MACROD2: variants seen among roughly 807,000 people sequenced by gnomAD.
MACROD2 encodes ADP-ribose glycohydrolase MACROD2.
MACROD2 carries 36 observed loss-of-function variants against 70.4 expected under a neutral mutation model. The ratio of observed to expected loss-of-function variants is 0.51; its 90% CI spans 0.39 to 0.68. MACROD2 has a LOEUF of 0.68. MACROD2 is among the 30% of genes least tolerant of loss of function. The pLI is 0.00. For synonymous variants in MACROD2, 172 were observed against 178.8 expected (o/e 0.96, Z 0.30); for missense variants, 496 against 538.4 (o/e 0.92, Z 0.78).
chr20:14,897,342 T>TA (rs1600787339), intron 5 of MACROD2, among the ~76,000 whole-genome samples: 2 of 151,996 alleles, frequency 1.3e-5, no homozygotes, highest in Admixed American at 6.6e-5. Flanking sequence ...ATCACTTATT[T>TA]AAAAAAAATT....
intron 9 of MACROD2, among the ~76,000 whole-genome samples, chr20:15,872,423 A>G (rs572371193): frequency 2.6e-5 from 4 of 152,196 alleles, no homozygotes; most frequent in African/African-American, 7.2e-5. Context: ...AAAAGCATCT[A>G]TGGTAAAGGG....
intron 3 of MACROD2, among the ~76,000 whole-genome samples, chr20:14,291,029 A>T (rs372652470): frequency 6.6e-6 from 1 of 152,230 alleles, no homozygotes; most frequent in African/African-American, 2.4e-5. Flanking sequence ...GGTTTTGTAC[A>T]TGAGTTGCTA....
chr20:14,994,198 T>G (rs1394089402), intron 5 of MACROD2, among the ~76,000 whole-genome samples: 1 of 152,116 alleles, frequency 6.6e-6, no homozygotes. Context: ...AGCACTTAGT[T>G]ATATAGCACT....
chr20:15,244,429 T>C (rs569829500), intron 6 of MACROD2, among the ~76,000 whole-genome samples: 1 of 152,324 alleles, frequency 6.6e-6, no homozygotes, highest in East Asian at 1.9e-4. Flanking sequence ...ATGGTTTTTG[T>C]ACCTGGACAG....
At chr20:15,451,294 A>C (rs1334109429) in intron 7 of MACROD2, among the ~76,000 whole-genome samples, 1 of 152,004 alleles carries the variant, frequency 6.6e-6, no homozygotes, top group Non-Finnish European at 1.5e-5. Flanking sequence ...GTTAAGACTT[A>C]CATCAGAAGT....
At chr20:14,631,510 C>T (rs1219217018) in intron 4 of MACROD2, among the ~76,000 whole-genome samples, 1 of 152,178 alleles carries the variant, frequency 6.6e-6, no homozygotes, top group Non-Finnish European at 1.5e-5. Flanking sequence ...GTGGCTTACG[C>T]CTGTAATCCC....
At chr20:14,614,189 T>A (rs540857691) in intron 4 of MACROD2, among the ~76,000 whole-genome samples, 506 of 152,288 alleles carry the variant, frequency 3.3e-3, no homozygotes, top group Non-Finnish European at 5.2e-3. Flanking sequence ...AGCAAATTAC[T>A]TCAACCTTCT....
At chr20:14,544,010 T>C (rs1450213583) in intron 4 of MACROD2, among the ~76,000 whole-genome samples, 3 of 152,114 alleles carry the variant, frequency 2.0e-5, no homozygotes, top group Non-Finnish European at 4.4e-5. Context: ...TTCCTGGGAA[T>C]CTGGACACAA....
intron 3 of MACROD2, among the ~76,000 whole-genome samples, chr20:14,111,409 A>G (rs1419993863): frequency 2.0e-5 from 3 of 151,984 alleles, no homozygotes; most frequent in African/African-American, 7.2e-5. Context: ...TGAAACAACA[A>G]AGTGAAGAGA....
Position 15,830,920 on chromosome 20 carries a change from G to GTGA in MACROD2, c.646-31823_646-31821dup, listed in dbSNP as rs1329168346. On this transcript the variant is annotated intron_variant, in intron 8 of 17. Transcript: ENST00000684519. ...TGTTTTTTCTTAGAATATTTGCAGT[G>GTGA]TGATAGTCATATAGCATTCTTTTCT... Among the ~76,000 whole-genome samples, 4 of 152,182 alleles carry GTGA rather than the reference G, an allele frequency of 2.6e-5. No individual in the cohort carries two copies. The East Asian group carries it at 7.7e-4, about 29-fold the overall frequency.
At chr20:15,084,769 T>A (rs887127793) in intron 5 of MACROD2, among the ~76,000 whole-genome samples, 2 of 152,238 alleles carry the variant, frequency 1.3e-5, no homozygotes, top group African/African-American at 4.8e-5. Flanking sequence ...GTAATTAAAT[T>A]TGGACTATTC....
chr20:14,671,692 C>T (rs1899422842), intron 4 of MACROD2, among the ~76,000 whole-genome samples: 1 of 152,200 alleles, frequency 6.6e-6, no homozygotes, highest in Non-Finnish European at 1.5e-5. Flanking sequence ...GCCCAAATCT[C>T]ATCTTCAAAT....
At chr20:15,227,516 G>C (rs183147075) in intron 5 of MACROD2, among the ~76,000 whole-genome samples, 1 of 152,066 alleles carries the variant, frequency 6.6e-6, no homozygotes, top group Admixed American at 6.6e-5. Context: ...GTCATGTCCC[G>C]TTGTTCTTTC....
intron 4 of MACROD2, among the ~76,000 whole-genome samples, chr20:14,669,074 T>C (rs895712862): frequency 2.6e-5 from 4 of 152,340 alleles, no homozygotes; most frequent in Admixed American, 2.6e-4. Flanking sequence ...TCCTAAGTTA[T>C]TTCTTCATGT....
intron 8 of MACROD2, among the ~76,000 whole-genome samples, chr20:15,506,771 A>G (rs550170507): frequency 2.6e-5 from 4 of 152,364 alleles, no homozygotes; most frequent in African/African-American, 7.2e-5. Context: ...TGCAAAAGGC[A>G]TAATGTGCCA....
intron 10 of MACROD2, among the ~76,000 whole-genome samples, chr20:15,898,521 A>G (rs1289401157): frequency 7.2e-6 from 1 of 138,166 alleles, no homozygotes; most frequent in Non-Finnish European, 1.5e-5. Flanking sequence ...ACTGCACTCC[A>G]GCCTGGGCCA....
chr20:15,313,896 C>T (rs1187430543), intron 6 of MACROD2, among the ~76,000 whole-genome samples: 1 of 152,146 alleles, frequency 6.6e-6, no homozygotes, highest in Non-Finnish European at 1.5e-5. Flanking sequence ...ATGACTAAAA[C>T]TCTTCTGAAA....
At chr20:14,595,197 C>G (rs957789327) in intron 4 of MACROD2, among the ~76,000 whole-genome samples, 1 of 152,142 alleles carries the variant, frequency 6.6e-6, no homozygotes, top group Non-Finnish European at 1.5e-5. Context: ...CTCCTTAGTT[C>G]AGCTAAAAGC....
chr20:14,128,197 C>T (rs1314239114), intron 3 of MACROD2: 41 of 386,812 alleles, frequency 1.1e-4, no homozygotes, highest in East Asian at 1.0e-3. Context: ...GGAACCAAAT[C>T]CTAAGAAGAT....
Sources: gnomAD v4.1 joint callset for allele counts (sites outside exome capture counted in the v4.1 genomes callset) on GRCh38, gnomAD v4.1.1 for gene constraint, MANE v1.5 for transcripts, NCBI Gene and HGNC (gene_info 2026-07-23, HGNC 2026-07-21) for gene names.